IMPA2: variants seen among roughly 807,000 people sequenced by gnomAD.
The protein encoded by IMPA2 is IMP 2.
IMPA2 carries 32 observed loss-of-function variants against 35.1 expected under a neutral mutation model. That is an observed-to-expected ratio of 0.91 (90% CI 0.69 to 1.23). The LOEUF is 1.23. IMPA2 is among the 50% of genes most tolerant of loss of function. IMPA2 has a pLI of 0.00. For synonymous variants in IMPA2, 135 were observed against 160.6 expected (o/e 0.84, Z 1.20); for missense variants, 334 against 387.6 (o/e 0.86, Z 1.16).
At chr18:12,003,359 A>C (rs1907164832) in intron 2 of IMPA2, among the ~76,000 whole-genome samples, 2 of 152,176 alleles carry the variant, frequency 1.3e-5, no homozygotes, top group Middle Eastern at 3.4e-3. Flanking sequence ...CAAAAAGCAA[A>C]CCAGGGCTGG....
At position 12,010,832 on chromosome 18, in the gene IMPA2, G is replaced by T. The variant is rs1398244820; in HGVS notation, c.335+845G>T. The stretch of plus-strand genomic sequence containing the variant: ...GATGGCATGTTTATATGTAAAACAT[G>T]AAGTTATTCCATGCTAAGCACAGCC... On this transcript the variant is annotated intron_variant, in intron 3 of 7. Coordinates refer to ENST00000269159, the MANE Select transcript of IMPA2 (RefSeq NM_014214.3). This position sits in a 1 kb window ranked among gnomAD's most constrained non-coding sequence, Gnocchi z 4.8. Among the ~76,000 whole-genome samples, 1 of 152,196 alleles carries T rather than the reference G, an allele frequency of 6.6e-6. No homozygotes were observed. The highest frequency in any genetic ancestry group is 1.5e-5 in the Non-Finnish European group (1 of 68,040).
intron 2 of IMPA2, among the ~76,000 whole-genome samples, chr18:12,000,737 T>G (rs1907093006): frequency 6.7e-6 from 1 of 149,510 alleles, no homozygotes; most frequent in African/African-American, 2.5e-5. Context: ...TGCCTCAGCC[T>G]CCTGAGTAGC....
intron 2 of IMPA2, among the ~76,000 whole-genome samples, chr18:12,002,204 GCTTT>G (rs1412785901): frequency 1.3e-5 from 2 of 152,046 alleles, no homozygotes; most frequent in Admixed American, 6.6e-5. Flanking sequence ...ATTTTTTTCT[GCTTT>G]CTAAGTATTT....
intron 5 of IMPA2, chr18:12,017,820 G>T: frequency 2.9e-6 from 1 of 340,470 alleles, no homozygotes; most frequent in Non-Finnish European, 5.7e-6. Context: ...TCAAACTGCT[G>T]ACCTCAAGTG....
Position 12,010,986 on chromosome 18 carries a change from A to C in IMPA2, c.335+999A>C, listed in dbSNP as rs1907417569. On this transcript the variant is annotated intron_variant, in intron 3 of 7. Coordinates refer to ENST00000269159, the MANE Select transcript of IMPA2 (RefSeq NM_014214.3). The surrounding 1 kb of genome is among the most constrained non-coding windows in gnomAD (Gnocchi z 4.8). Reference sequence around the variant, plus strand: ...TCTCTCCTCTCATTTCAACTAAAGCATGATCCTTCCCAGGGCTCTCCTCCC... The same window carrying C: ...TCTCTCCTCTCATTTCAACTAAAGCCTGATCCTTCCCAGGGCTCTCCTCCC... Among the ~76,000 whole-genome samples, 1 of 152,150 alleles carries C rather than the reference A, an allele frequency of 6.6e-6. No homozygotes were observed. Among genetic ancestry groups the C allele is most frequent in the Admixed American group, 6.5e-5 (1 of 15,276 alleles).
At position 12,012,101 on chromosome 18, in the gene IMPA2, A is replaced by G. The variant is rs943648037; in HGVS notation, c.336-69A>G. Reference sequence around the variant, plus strand: ...TCCTTCTGAGCCTGCGGGGAGCCGCACAGCACACAGGCTCCCGAGAGCTGC... The same window carrying G: ...TCCTTCTGAGCCTGCGGGGAGCCGCGCAGCACACAGGCTCCCGAGAGCTGC... On this transcript the variant is annotated intron_variant, in intron 3 of 7. Transcript: ENST00000269159. 6.2e-5 allele frequency: 92 copies of G among 1,481,100 alleles called. No homozygotes were observed. The Admixed American group carries it at 1.6e-3, about 25-fold the overall frequency. The allele number at this position is 1,481,100 out of a possible 1,614,324, so 91.7% of individuals were successfully genotyped here.
At chr18:11,997,351 A>G (rs7244849) in intron 1 of IMPA2, among the ~76,000 whole-genome samples, 51,691 of 152,162 alleles carry the variant, frequency 0.34, 9,525 homozygotes, top group East Asian at 0.56. Flanking sequence ...GGGCCTGGGC[A>G]GTGGGAGCTG....
chr18:11,989,827 A>C (rs1906764138), intron 1 of IMPA2, among the ~76,000 whole-genome samples: 1 of 152,004 alleles, frequency 6.6e-6, no homozygotes. Flanking sequence ...AGCGCTGCCC[A>C]GGGGAGATTA....
chr18:12,004,425 A>G (rs531940919), intron 2 of IMPA2, among the ~76,000 whole-genome samples: 1 of 152,360 alleles, frequency 6.6e-6, no homozygotes, highest in South Asian at 2.1e-4. Flanking sequence ...CCAAACTTTT[A>G]GCCTTAATCC....
intron 3 of IMPA2, among the ~76,000 whole-genome samples, chr18:12,011,678 C>T (rs766700227): frequency 4.6e-5 from 7 of 152,224 alleles, no homozygotes; most frequent in Non-Finnish European, 1.0e-4. Flanking sequence ...TGTCTGCAGC[C>T]GTGGCTGTCC....
chr18:12,020,742 G>A lies in IMPA2; in HGVS notation c.490+6369G>A, dbSNP rs539920112. On this transcript the variant is annotated intron_variant, in intron 5 of 7. Coordinates refer to ENST00000269159, the MANE Select transcript of IMPA2 (RefSeq NM_014214.3). ...TTATTCATTATGTTCCTTTTAGTTT[G>A]TCTTCTTTTCTGAAATATTTCCTTT... 1.6e-3 allele frequency among the ~76,000 whole-genome samples: 247 copies of A among 152,022 alleles called. 1 individual carries two copies. Among genetic ancestry groups the A allele is most frequent in the African/African-American group, 5.2e-3 (215 of 41,482 alleles).
chr18:12,010,200 C>T lies in IMPA2; in HGVS notation c.335+213C>T, dbSNP rs1037403017. 2.1e-6 allele frequency: 1 copy of T among 481,312 alleles called. No homozygotes were observed. The highest frequency in any genetic ancestry group is 3.8e-5 in the Admixed American group (1 of 26,000). The allele number at this position is 481,312 out of a possible 1,614,324, so 29.8% of individuals were successfully genotyped here. The stretch of plus-strand genomic sequence containing the variant: ...CTCTTGGAGTATGTTAGGAAATCTG[C>T]ACTTGTTTAAAAACCAGTTTGTTAT... On this transcript the variant is annotated intron_variant, in intron 3 of 7. Coordinates refer to ENST00000269159, the MANE Select transcript of IMPA2 (RefSeq NM_014214.3). This position sits in a 1 kb window ranked among gnomAD's most constrained non-coding sequence, Gnocchi z 4.8.
At chr18:12,012,917 T>C (rs2143808198) in intron 4 of IMPA2, among the ~76,000 whole-genome samples, 1 of 152,332 alleles carries the variant, frequency 6.6e-6, no homozygotes, top group Middle Eastern at 3.4e-3. Flanking sequence ...GAGAAGTACT[T>C]AAGTTGAAGT....
Position 12,009,927 on chromosome 18 carries a change from T to C in IMPA2, c.275T>C (p.Leu92Pro). 6.2e-7 allele frequency: 1 copy of C among 1,614,192 alleles called. No homozygotes were observed. Among genetic ancestry groups the C allele is most frequent in the Non-Finnish European group, 8.5e-7 (1 of 1,180,044 alleles). The part of the protein sequence containing the change: ...EAAASGAKCV[L>P]THSPTWIIDP... ...GCGGCTTCTGGGGCCAAGTGTGTGC[T>C]CACCCACAGCCCGACGTGGATCATC... The change falls in exon 3 of 8, where the codon CTC becomes CCC. Residue 92 changes from leucine to proline, a missense_variant. Coordinates refer to ENST00000269159, the MANE Select transcript of IMPA2 (RefSeq NM_014214.3).
rs139482734 is a variant in IMPA2, at chr18:12,027,970, G to A, written c.491-73G>A. The A allele has an allele frequency of 1.2e-3, 1,102 of 912,868 alleles. 6 individuals carry two copies. The highest frequency in any genetic ancestry group is 3.4e-4 in the Non-Finnish European group (192 of 559,896). The allele number at this position is 912,868 out of a possible 1,614,324, so 56.5% of individuals were successfully genotyped here. A position where few individuals can be genotyped will look rare whatever the true frequency, so the allele number is the denominator to read the frequency against. Reference sequence around the variant, plus strand: ...CTTACTCTGAGAAAGAAAGGCTCACGTTGGAAGCCTGTACTCCTTAGTTAG... The same window carrying A: ...CTTACTCTGAGAAAGAAAGGCTCACATTGGAAGCCTGTACTCCTTAGTTAG... On this transcript the variant is annotated intron_variant, in intron 5 of 7. Transcript: ENST00000269159.
intron 1 of IMPA2, among the ~76,000 whole-genome samples, chr18:11,993,543 GC>G (rs1363941398): frequency 1.3e-5 from 2 of 152,218 alleles, no homozygotes; most frequent in Non-Finnish European, 2.9e-5. Context: ...AGTTCCTGGA[GC>G]TACTGGGATG....
At chr18:12,004,796 A>G (rs2143796892) in intron 2 of IMPA2, among the ~76,000 whole-genome samples, 1 of 152,244 alleles carries the variant, frequency 6.6e-6, no homozygotes, top group Middle Eastern at 3.4e-3. Flanking sequence ...AAGTGCTGGG[A>G]TTACAGGCGT....
intron 5 of IMPA2, among the ~76,000 whole-genome samples, chr18:12,021,505 T>TA (rs979236939): frequency 5.3e-5 from 8 of 152,312 alleles, no homozygotes; most frequent in South Asian, 2.1e-4. Context: ...AACTGCCTCT[T>TA]ACTCTGTGAG....
chr18:12,014,280 A>T lies in IMPA2; in HGVS notation c.397A>T (p.Ile133Phe). The T allele has an allele frequency of 1.2e-6, 2 of 1,613,782 alleles. No individual in the cohort carries two copies. The highest frequency in any genetic ancestry group is 1.7e-6 in the Non-Finnish European group (2 of 1,179,828). Residue 133 changes from isoleucine to phenylalanine, a missense_variant, in exon 5 of 8, where the codon ATT (isoleucine) becomes TTT (phenylalanine). Transcript: ENST00000269159. Reference sequence around the variant, plus strand: ...CCGCCCACAGCTTGAATTCGGAGTGATTTACCACTGCACAGAGGAGCGGCT... The same window carrying T: ...CCGCCCACAGCTTGAATTCGGAGTGTTTTACCACTGCACAGAGGAGCGGCT... ...AVRQELEFGV[I>F]YHCTEERLYT...
Sources: allele counts gnomAD v4.1 joint callset (sites outside exome capture counted in the v4.1 genomes callset), GRCh38; gene constraint gnomAD v4.1.1; non-coding constraint Gnocchi (gnomAD v3.1); transcripts MANE v1.5; gene names NCBI Gene and HGNC (gene_info 2026-07-23, HGNC 2026-07-21).